Variants in CFAP54 observed in about 807,000 individuals in gnomAD.
CFAP54 encodes cilia and flagella associated protein 54, also known as cilia- and flagella-associated protein 54.
Under a neutral mutation model 370.4 loss-of-function variants are expected in CFAP54, and 290 were observed. That is an observed-to-expected ratio of 0.78 (90% confidence interval 0.71 to 0.86). The LOEUF (loss-of-function observed/expected upper bound fraction) is 0.86, where lower values mean the gene tolerates loss of function less well. Among genes scored for constraint, CFAP54 ranks in the 40% least tolerant of loss-of-function variants. The pLI, the probability that CFAP54 is intolerant of heterozygous loss-of-function variation, is 0.00. For missense variants in CFAP54, 3,399 were observed against 3,528.7 expected (o/e 0.96, Z 0.93); for synonymous variants, 1,206 against 1,236.5 (o/e 0.98, Z 0.52).
chr12:96,647,996 A>T lies in CFAP54; in HGVS notation c.4669A>T (p.Arg1557Ter). 6.6e-7 allele frequency: 1 copy of T among 1,505,870 alleles called. No homozygotes were observed. The highest frequency in any genetic ancestry group is 1.3e-5 in the South Asian group (1 of 77,428). 93.3% of individuals were successfully genotyped at this position (1,505,870 alleles called of 1,614,324 possible). ...TGATTTCCTTCTTACAGCCAAAAAA[A>T]GAAAGGCCAACTTACCATCAGGTAA... ...MLDFLLTAKK[R>*]KANLPSDAEE... Residue 1557 changes from arginine (R) to a stop codon, truncating the protein, a stop_gained, in exon 34 of 68, where the codon AGA becomes TGA. Transcript: ENST00000524981. LOFTEE classifies it high-confidence loss of function.
At chr12:96,667,013 C>A (rs1957088535) in intron 39 of CFAP54, among the ~76,000 whole-genome samples, 1 of 152,156 alleles carries the variant, frequency 6.6e-6, no homozygotes, top group South Asian at 2.1e-4. Context: ...TTGGCCAAAA[C>A]AAGTAAATCC....
intron 32 of CFAP54, among the ~76,000 whole-genome samples, chr12:96,632,921 G>T (rs1238508480): frequency 1.3e-5 from 2 of 152,028 alleles, no homozygotes; most frequent in South Asian, 2.1e-4. Context: ...AAATTTCTAT[G>T]ATTTTCTCCA....
chr12:96,608,845 A>T (rs1956327397), intron 26 of CFAP54, among the ~76,000 whole-genome samples: 1 of 152,226 alleles, frequency 6.6e-6, no homozygotes, highest in Non-Finnish European at 1.5e-5. Flanking sequence ...GGAAAAACTG[A>T]CAGGCAGGGA....
At chr12:96,869,014 C>A (rs2136470979) in intron 67 of CFAP54, among the ~76,000 whole-genome samples, 1 of 152,266 alleles carries the variant, frequency 6.6e-6, no homozygotes, top group Non-Finnish European at 1.5e-5. Context: ...TCAATAGCAG[C>A]CCACAGGAAA....
intron 8 of CFAP54, among the ~76,000 whole-genome samples, chr12:96,525,638 A>G (rs1955371406): frequency 6.6e-6 from 1 of 152,212 alleles, no homozygotes; most frequent in African/African-American, 2.4e-5. Flanking sequence ...TAAAAATCTT[A>G]GGAAAAACTC....
intron 60 of CFAP54, among the ~76,000 whole-genome samples, chr12:96,766,324 G>C (rs1014407413): frequency 2.0e-5 from 3 of 151,798 alleles, no homozygotes; most frequent in Non-Finnish European, 4.4e-5. Context: ...TGCTTTATTG[G>C]CTTTCTGAGC....
At chr12:96,824,694 G>A (rs951286797) in intron 65 of CFAP54, among the ~76,000 whole-genome samples, 1 of 152,078 alleles carries the variant, frequency 6.6e-6, no homozygotes, top group Non-Finnish European at 1.5e-5. Context: ...ACCCATAGAA[G>A]CTGGCCCACT....
chr12:96,635,507 A>G (rs576291983), intron 32 of CFAP54, among the ~76,000 whole-genome samples: 1 of 152,188 alleles, frequency 6.6e-6, no homozygotes, highest in Non-Finnish European at 1.5e-5. Context: ...CCCCATATGC[A>G]CTTCATGGAA....
intron 32 of CFAP54, among the ~76,000 whole-genome samples, chr12:96,641,352 G>A (rs1020362397): frequency 2.0e-5 from 3 of 152,200 alleles, no homozygotes; most frequent in Non-Finnish European, 4.4e-5. Context: ...AGCCATCAGA[G>A]AAATGCAAAT....
chr12:96,836,255 G>A (rs1959185918), intron 66 of CFAP54, among the ~76,000 whole-genome samples: 1 of 152,190 alleles, frequency 6.6e-6, no homozygotes, highest in Non-Finnish European at 1.5e-5. Context: ...TCTTCAGAGA[G>A]ATAAAGATCT....
chr12:96,638,050 A>G (rs1435949313), intron 32 of CFAP54, among the ~76,000 whole-genome samples: 1 of 152,166 alleles, frequency 6.6e-6, no homozygotes, highest in Non-Finnish European at 1.5e-5. Flanking sequence ...CTCAGAATGT[A>G]TCCCTGTCAT....
intron 39 of CFAP54, among the ~76,000 whole-genome samples, chr12:96,666,266 G>T (rs1957079666): frequency 6.6e-6 from 1 of 152,068 alleles, no homozygotes; most frequent in Non-Finnish European, 1.5e-5. Flanking sequence ...TCCCATAATA[G>T]CTTCCATTTC....
At chr12:96,802,743 A>G (rs1958835040) in intron 63 of CFAP54, among the ~76,000 whole-genome samples, 2 of 151,924 alleles carry the variant, frequency 1.3e-5, no homozygotes. Context: ...GCACCTATCA[A>G]CCGGTTTGCT....
intron 39 of CFAP54, among the ~76,000 whole-genome samples, chr12:96,664,692 TA>T (rs1565934118): frequency 1.2e-3 from 14 of 12,116 alleles, no homozygotes; most frequent in Admixed American, 3.5e-3. Context: ...CCTTTGGGTA[TA>T]TATCTATATA....
At chr12:96,567,324 A>T (rs552010659) in intron 19 of CFAP54, among the ~76,000 whole-genome samples, 85 of 152,180 alleles carry the variant, frequency 5.6e-4, no homozygotes, top group Admixed American at 1.4e-3. Context: ...ATGTGTTCAT[A>T]AGAAGTATTT....
At position 96,547,907 on chromosome 12, in the gene CFAP54, C is replaced by A. The variant is rs920841525; in HGVS notation, c.2083C>A (p.Pro695Thr). The change falls in exon 15 of 68, where the codon CCT becomes ACT. Residue 695 changes from proline to threonine, a missense_variant. By Grantham distance (38) the Pro-to-Thr change is conservative (BLOSUM62 -1). This residue lies in a region of CFAP54 where 2,796 missense variants were observed against 2,869.7 expected (regional missense o/e 0.97). Transcript: ENST00000524981. ...GRKFKQSLDVPLREGTNKFPG... is the reference protein window; with the variant it reads ...GRKFKQSLDVTLREGTNKFPG... ...CTCCTTCCTTTCTTTTCCAGATGTA[C>A]CTTTAAGAGAAGGGACTAACAAATT... The A allele has an allele frequency of 6.7e-7, 1 of 1,482,750 alleles. No individual in the cohort carries two copies. Among genetic ancestry groups the A allele is most frequent in the Non-Finnish European group, 9.0e-7 (1 of 1,110,690 alleles). 91.8% of individuals were successfully genotyped at this position (1,482,750 alleles called of 1,614,324 possible).
rs141731750 is a variant in CFAP54 at position 96,792,526 on chromosome 12, T to A, written c.8850+27T>A. Reference sequence around the variant, plus strand: ...TATGTAATGTACTTATAGAACTCAATATTTCATTTATATATAAAGCTTAAC... The same window carrying A: ...TATGTAATGTACTTATAGAACTCAAAATTTCATTTATATATAAAGCTTAAC... On this transcript the variant is annotated intron_variant, in intron 63 of 67. Coordinates refer to ENST00000524981, the MANE Select transcript of CFAP54 (RefSeq NM_001306084.2). The A allele has an allele frequency of 2.4e-4, 354 of 1,478,508 alleles. 4 individuals carry two copies. In the East Asian group the frequency reaches 8.4e-3, roughly 35 times the overall value. The allele number at this position is 1,478,508 out of a possible 1,614,324, so 91.6% of individuals were successfully genotyped here.
intron 47 of CFAP54, 25 bp downstream of exon 47, chr12:96,704,821 C>A: frequency 1.1e-6 from 1 of 911,016 alleles, no homozygotes; most frequent in Non-Finnish European, 1.6e-6. Flanking sequence ...ATTTTATAAA[C>A]ATGGTTTTCC....
At chr12:96,691,445 T>C (rs372065445) in intron 44 of CFAP54, 135 bp downstream of exon 44, 1 of 537,590 alleles carries the variant, frequency 1.9e-6, no homozygotes, top group East Asian at 3.3e-5. Context: ...GTGGGATTCT[T>C]ACTTACACTT....
Sources: allele counts gnomAD v4.1 joint callset (sites outside exome capture counted in the v4.1 genomes callset), GRCh38; gene constraint gnomAD v4.1.1; regional missense constraint gnomAD v4.1.1; transcripts MANE v1.5; gene names NCBI Gene and HGNC (gene_info 2026-07-23, HGNC 2026-07-21).